Variants in LGR4 observed in about 807,000 individuals in gnomAD.
LGR4 encodes leucine-rich repeat-containing G protein-coupled receptor 4.
LGR4 carries 44 observed loss-of-function variants against 84.8 expected under a neutral mutation model. The observed-to-expected ratio is 0.52, with a 90% CI of 0.41 to 0.67. The LOEUF (loss-of-function observed/expected upper bound fraction) is 0.67. Among genes scored for constraint, LGR4 ranks in the 30% least tolerant of loss-of-function variants. The pLI is 0.00. For missense variants in LGR4, 1,032 were observed against 1,131.4 expected (o/e 0.91, Z 1.26); for synonymous variants, 429 against 434.3 (o/e 0.99, Z 0.15).
At chr11:27,438,702 A>G (rs909161821) in intron 1 of LGR4, among the ~76,000 whole-genome samples, 7 of 152,292 alleles carry the variant, frequency 4.6e-5, no homozygotes, top group Middle Eastern at 3.4e-3. Context: ...AAGGTGAAGT[A>G]AAGGAGAATT....
chr11:27,394,346 TC>T (rs1437998496), intron 2 of LGR4, among the ~76,000 whole-genome samples: 5 of 152,140 alleles, frequency 3.3e-5, no homozygotes, highest in African/African-American at 1.2e-4. Flanking sequence ...CTTTAGCAAA[TC>T]CTCTTGGTTC....
intron 1 of LGR4, 28 bp downstream of exon 1, chr11:27,472,090 C>CAA: frequency 2.3e-6 from 3 of 1,287,024 alleles, no homozygotes; most frequent in Non-Finnish European, 2.9e-6. Context: ...TCCTCCCCCC[C>CAA]CCTCGCGTCC....
chr11:27,410,904 G>A (rs1367061753), intron 2 of LGR4, among the ~76,000 whole-genome samples: 1 of 152,174 alleles, frequency 6.6e-6, no homozygotes, highest in South Asian at 2.1e-4. Flanking sequence ...CTGGTTGGCA[G>A]AATTCATGAG....
At chr11:27,395,748 T>C (rs747657474) in intron 2 of LGR4, among the ~76,000 whole-genome samples, 35 of 152,230 alleles carry the variant, frequency 2.3e-4, no homozygotes, top group Non-Finnish European at 3.1e-4. Context: ...TGTATCTACG[T>C]AAGTTTACGG....
intron 2 of LGR4, among the ~76,000 whole-genome samples, chr11:27,397,181 C>G (rs1189631764): frequency 6.6e-6 from 1 of 152,232 alleles, no homozygotes; most frequent in Non-Finnish European, 1.5e-5. Context: ...CTCACACCAT[C>G]TCCTTCACTT....
At chr11:27,407,145 G>A (rs945253310) in intron 2 of LGR4, among the ~76,000 whole-genome samples, 15 of 152,138 alleles carry the variant, frequency 9.9e-5, no homozygotes, top group African/African-American at 3.6e-4. Flanking sequence ...ATTCCCATCT[G>A]TAAAATGGTA....
At chr11:27,402,710 A>C (rs1321578483) in intron 2 of LGR4, among the ~76,000 whole-genome samples, 1 of 152,158 alleles carries the variant, frequency 6.6e-6, no homozygotes, top group Non-Finnish European at 1.5e-5. Context: ...ACTAAGTTCT[A>C]GCCAGTGAGA....
intron 2 of LGR4, among the ~76,000 whole-genome samples, chr11:27,403,212 T>C (rs1863537577): frequency 6.6e-6 from 1 of 152,232 alleles, no homozygotes; most frequent in Non-Finnish European, 1.5e-5. Context: ...GGCTCATGCC[T>C]GTAGTCCCAA....
chr11:27,444,140 C>T (rs1325250434), intron 1 of LGR4, among the ~76,000 whole-genome samples: 1 of 151,530 alleles, frequency 6.6e-6, no homozygotes, highest in Non-Finnish European at 1.5e-5. Context: ...AAACAGAATA[C>T]ACAATTTCCA....
intron 10 of LGR4, among the ~76,000 whole-genome samples, 177 bp downstream of exon 10, chr11:27,380,094 C>T (rs1863061446): frequency 6.6e-6 from 1 of 152,172 alleles, no homozygotes; most frequent in South Asian, 2.1e-4. Context: ...ATCGGCTCTA[C>T]TCTGCCTAAG....
At chr11:27,376,251 A>G in intron 13 of LGR4, 48 bp downstream of exon 13, 1 of 1,061,768 alleles carries the variant, frequency 9.4e-7, no homozygotes, top group Non-Finnish European at 1.4e-6. Context: ...ACATATTAAC[A>G]TAGTTTGGAA....
In LGR4 at chr11:27,434,815, T is replaced by A. The variant is rs146154784; in HGVS notation, c.186-21955A>T. 1.1e-3 allele frequency among the ~76,000 whole-genome samples: 174 copies of A among 152,158 alleles called. 2 individuals carry two copies. Among genetic ancestry groups the A allele is most frequent in the African/African-American group, 3.9e-3 (162 of 41,500 alleles). On this transcript the variant is annotated intron_variant, in intron 1 of 17. Transcript: ENST00000379214. ...TAAGCACATTTATAAAACAACTCCATCAATCTAAAGAGGGGAGAGGGGAGG... is the reference window on the plus strand; with the variant it reads ...TAAGCACATTTATAAAACAACTCCAACAATCTAAAGAGGGGAGAGGGGAGG...
At chr11:27,439,843 G>A (rs1417290798) in intron 1 of LGR4, among the ~76,000 whole-genome samples, 6 of 151,872 alleles carry the variant, frequency 4.0e-5, no homozygotes, top group African/African-American at 1.2e-4. Context: ...GACACCCTAG[G>A]GAGTGATTTT....
At chr11:27,451,354 C>G (rs559911277) in intron 1 of LGR4, among the ~76,000 whole-genome samples, 1 of 152,068 alleles carries the variant, frequency 6.6e-6, no homozygotes, top group African/African-American at 2.4e-5. Flanking sequence ...CCAAAGACAG[C>G]GCCAGGCACT....
chr11:27,430,067 G>A (rs573974849), intron 1 of LGR4, among the ~76,000 whole-genome samples: 4 of 152,086 alleles, frequency 2.6e-5, no homozygotes, highest in East Asian at 3.9e-4. Context: ...CTCTAACTCC[G>A]GTATGGTTCA....
chr11:27,443,523 C>A (rs908610596), intron 1 of LGR4, among the ~76,000 whole-genome samples: 1 of 152,184 alleles, frequency 6.6e-6, no homozygotes, highest in African/African-American at 2.4e-5. Flanking sequence ...TGGGGAAAGG[C>A]TGAAGCAGCT....
chr11:27,368,509 TGA>T lies in LGR4; in HGVS notation c.2212_2213del (p.Ser738ArgfsTer6). 1 of 1,614,204 alleles carries T rather than the reference TGA, an allele frequency of 6.2e-7. No homozygotes were observed. The highest frequency in any genetic ancestry group is 1.3e-5 in the African/African-American group (1 of 75,060). ...LYCNLEKEDL[S>X]ENSQSSMIKH... The stretch of plus-strand genomic sequence containing the variant: ...TAATCATGCTAGATTGTGAGTTTTC[TGA>T]GAGGTCCTCTTTTTCCAAGTTGCAG... On this transcript the variant is annotated frameshift_variant, in exon 18 of 18. Transcript: ENST00000379214. LOFTEE classifies it high-confidence loss of function.
intron 14 of LGR4, 136 bp from the exon 15 acceptor site, chr11:27,373,812 A>C: frequency 9.7e-7 from 1 of 1,028,620 alleles, no homozygotes. Context: ...TAGTTCTAGC[A>C]TGTATCTTGC....
At chr11:27,452,470 C>CTGCT (rs1459764871) in intron 1 of LGR4, among the ~76,000 whole-genome samples, 1 of 152,112 alleles carries the variant, frequency 6.6e-6, no homozygotes, top group Non-Finnish European at 1.5e-5. Context: ...TGGTAAGGAA[C>CTGCT]TGCTCCACCA....
Sources: allele counts gnomAD v4.1 joint callset (sites outside exome capture counted in the v4.1 genomes callset), GRCh38; gene constraint gnomAD v4.1.1; transcripts MANE v1.5; gene names NCBI Gene and HGNC (gene_info 2026-07-23, HGNC 2026-07-21).